Variants in DNAAF11 observed in about 807,000 individuals in gnomAD.
DNAAF11 encodes the protein leucine rich repeat containing 6.
In DNAAF11, 45 loss-of-function variants were observed where a neutral mutation model predicts 60.8. The observed-to-expected ratio is 0.74, with a 90% CI of 0.58 to 0.95. The LOEUF (loss-of-function observed/expected upper bound fraction) is 0.95. Ranked by LOEUF, DNAAF11 falls within the 40% of genes least tolerant of loss-of-function variation. DNAAF11 has a pLI of 0.00. For synonymous variants in DNAAF11, 191 were observed against 183.5 expected (o/e 1.04, Z -0.33); for missense variants, 546 against 546.2 (o/e 1.00, Z 0.00).
chr8:132,661,750 C>G, intron 1 of DNAAF11, 123 bp from the exon 2 acceptor site: 1 of 958,444 alleles, frequency 1.0e-6, no homozygotes, highest in Non-Finnish European at 1.6e-6. Context: ...TTTTCCAGGC[C>G]CAAGCGATTT....
upstream of DNAAF11, among the ~76,000 whole-genome samples, chr8:132,677,089 G>A (rs1465999108): frequency 1.3e-5 from 2 of 152,098 alleles, no homozygotes; most frequent in Non-Finnish European, 2.9e-5. Flanking sequence ...TGACAATATG[G>A]GTAAACATCT....
intron 10 of DNAAF11, among the ~76,000 whole-genome samples, chr8:132,588,081 C>T (rs1816088253): frequency 6.6e-6 from 1 of 152,186 alleles, no homozygotes; most frequent in East Asian, 1.9e-4. Context: ...AGCTACTTAG[C>T]TCTGAATCCT....
rs746914801 is a variant in DNAAF11, at chr8:132,611,317, C to T, written c.1021G>A (p.Val341Met). 2.2e-5 allele frequency: 35 copies of T among 1,612,170 alleles called. No homozygotes were observed. Among genetic ancestry groups the T allele is most frequent in the South Asian group, 7.7e-5 (7 of 90,982 alleles). ...ACCTTTCCTTTGATCATTACTCGCACGTAAGTTGGTTGCACATCAACATCG... is the reference window on the plus strand; with the variant it reads ...ACCTTTCCTTTGATCATTACTCGCATGTAAGTTGGTTGCACATCAACATCG... ...LIDVDVQPTY[V>M]RVMIKGKPFQ... The change falls in exon 9 of 12, where the codon GTG becomes ATG. Residue 341 changes from valine (V) to methionine (M), a missense_variant. Val to Met is a conservative substitution (Grantham distance 21). Transcript: ENST00000620350.
chr8:132,612,191 T>C (rs1818732076), intron 8 of DNAAF11, among the ~76,000 whole-genome samples: 4 of 152,224 alleles, frequency 2.6e-5, no homozygotes, highest in Admixed American at 2.0e-4. Flanking sequence ...TCCTCTTCTG[T>C]AAAATGGGGA....
At chr8:132,634,938 A>AATTGATTG (rs561354865) in intron 4 of DNAAF11, among the ~76,000 whole-genome samples, 1 of 151,920 alleles carries the variant, frequency 6.6e-6, no homozygotes, top group Middle Eastern at 3.2e-3. Context: ...GAAGTACATT[A>AATTGATTG]ATTGATTGAT....
rs531767614 is a variant in DNAAF11 at position 132,580,038 on chromosome 8, A to C, written c.1226+3656T>G. On this transcript the variant is annotated intron_variant, in intron 11 of 11. Coordinates refer to ENST00000620350, the MANE Select transcript of DNAAF11 (RefSeq NM_012472.6). ...GAACAAAAAAGACGACTACTCAAGG[A>C]AAAAAAAAAAAGCACGAGAACCAAT... Among the ~76,000 whole-genome samples, 5 of 144,844 alleles carry C rather than the reference A, an allele frequency of 3.5e-5. No individual in the cohort carries two copies. The East Asian group carries it at 7.9e-4, about 23-fold the overall frequency.
At chr8:132,573,797 T>A (rs2130938155) in intron 11 of DNAAF11, among the ~76,000 whole-genome samples, 1 of 152,230 alleles carries the variant, frequency 6.6e-6, no homozygotes, top group Admixed American at 6.5e-5. Flanking sequence ...TTGAAGTCAT[T>A]TTAGTTTTTG....
rs1814102663 is a variant in DNAAF11, at chr8:132,570,730, C to T, written c.*1576G>A. Among the ~76,000 whole-genome samples, 1 of 152,192 alleles carries T rather than the reference C, an allele frequency of 6.6e-6. No homozygotes were observed. The highest frequency in any genetic ancestry group is 2.4e-5 in the African/African-American group (1 of 41,442). On this transcript the variant is annotated 3_prime_UTR_variant, in exon 12 of 12. Transcript: ENST00000620350. The stretch of plus-strand genomic sequence containing the variant: ...GCCTGCTGCAGCTGATCCTTGATCT[C>T]CACCACTGTGTGTCCATCCCATCTT...
chr8:132,589,515 G>C (rs140094059), intron 10 of DNAAF11, among the ~76,000 whole-genome samples: 1 of 152,288 alleles, frequency 6.6e-6, no homozygotes, highest in African/African-American at 2.4e-5. Flanking sequence ...TGGAGTGATA[G>C]CTTTTGAAAA....
intron 1 of DNAAF11, among the ~76,000 whole-genome samples, chr8:132,666,449 A>T (rs938518969): frequency 1.3e-5 from 2 of 151,360 alleles, no homozygotes; most frequent in Non-Finnish European, 2.9e-5. Flanking sequence ...ATTAAAAAGT[A>T]AAAAAAAAGA....
chr8:132,679,295 G>A (rs538958372), upstream of DNAAF11, among the ~76,000 whole-genome samples: 25 of 152,262 alleles, frequency 1.6e-4, no homozygotes, highest in African/African-American at 5.5e-4. Context: ...CTTATTGGGT[G>A]CTCAGTAAAT....
Position 132,634,570 on chromosome 8 carries a change from T to C in DNAAF11, c.430-1607A>G, listed in dbSNP as rs141972459. On this transcript the variant is annotated intron_variant, in intron 4 of 11. Coordinates refer to ENST00000620350, the MANE Select transcript of DNAAF11 (RefSeq NM_012472.6). The stretch of plus-strand genomic sequence containing the variant: ...TAATTTGATCTAATTTAATACAGGA[T>C]TGGGATCAAATCAATTTGGAAATTT... 1.9e-4 allele frequency among the ~76,000 whole-genome samples: 29 copies of C among 152,048 alleles called. 2 individuals are homozygous for C. The East Asian group carries it at 5.2e-3, about 27-fold the overall frequency.
At chr8:132,675,545 C>CGCTTTTCACCCTTCACCCCT, upstream of DNAAF11, 1 of 1,543,846 alleles carries the variant, frequency 6.5e-7, no homozygotes, top group Non-Finnish European at 8.8e-7. Context: ...CCTCGAATGA[C>CGCTTTTCACCCTTCACCCCT]GCTTTTCACC....
chr8:132,666,357 G>A (rs1399538396), intron 1 of DNAAF11, among the ~76,000 whole-genome samples: 2 of 152,104 alleles, frequency 1.3e-5, no homozygotes, highest in Non-Finnish European at 2.9e-5. Context: ...ACCCTGATCT[G>A]ATTACTATAC....
intron 3 of DNAAF11, among the ~76,000 whole-genome samples, 175 bp from the exon 4 acceptor site, chr8:132,638,282 T>TA (rs1164564485): frequency 6.6e-6 from 1 of 152,200 alleles, no homozygotes; most frequent in Admixed American, 6.5e-5. Context: ...GGCTTCATCT[T>TA]AACTCATTTT....
Position 132,661,610 on chromosome 8 carries a change from T to G in DNAAF11, c.28A>C (p.Arg10=), listed in dbSNP as rs148650529. 1.2e-6 allele frequency: 2 copies of G among 1,613,920 alleles called. No individual in the cohort carries two copies. Among genetic ancestry groups the G allele is most frequent in the African/African-American group, 1.3e-5 (1 of 74,948 alleles). MGWITEDLI[R]RNAEHNDCVI... ...CAGTCGTTGTGTTCAGCATTCCGTC[T>G]AATAAGATCTTCTGTGACTGGAAGA... Residue 10 remains arginine, a synonymous_variant, in exon 2 of 12, where the codon AGA becomes CGA. Transcript: ENST00000620350.
Position 132,595,347 on chromosome 8 carries a change from G to GAAAAAAAAAAAAAAA in DNAAF11, c.1141-11569_1141-11568insTTTTTTTTTTTTTTT, listed in dbSNP as rs1563992420. Among the ~76,000 whole-genome samples the GAAAAAAAAAAAAAAA allele has an allele frequency of 3.2e-4, 13 of 40,674 alleles. 4 individuals are homozygous for GAAAAAAAAAAAAAAA. The highest frequency in any genetic ancestry group is 8.8e-4 in the Admixed American group (2 of 2,274). 26.7% of individuals were successfully genotyped at this position (40,674 alleles called of 152,430 possible). On this transcript the variant is annotated intron_variant, in intron 10 of 11. Coordinates refer to ENST00000620350, the MANE Select transcript of DNAAF11 (RefSeq NM_012472.6). Reference sequence around the variant, plus strand: ...TTCCCGAAAGAGAGAGAGACAGAGGGGAAAAAAAAAAAAAAAAAAAAAAAA... The same window carrying GAAAAAAAAAAAAAAA: ...TTCCCGAAAGAGAGAGAGACAGAGGGAAAAAAAAAAAAAAAGAAAAAAAAAAAAAAAAAAAAAAAA...
intron 10 of DNAAF11, among the ~76,000 whole-genome samples, chr8:132,603,634 G>A (rs2129788558): frequency 6.6e-6 from 1 of 152,148 alleles, no homozygotes; most frequent in East Asian, 1.9e-4. Flanking sequence ...CCTAATTGGA[G>A]TTGATTTGAG....
chr8:132,572,700 A>C (rs1261481305), intron 11 of DNAAF11, among the ~76,000 whole-genome samples: 1 of 151,988 alleles, frequency 6.6e-6, no homozygotes, highest in Non-Finnish European at 1.5e-5. Context: ...AAAAAAAAAA[A>C]AGTCACTGGG....
Sources: allele counts gnomAD v4.1 joint callset (sites outside exome capture counted in the v4.1 genomes callset), GRCh38; gene constraint gnomAD v4.1.1; transcripts MANE v1.5; gene names NCBI Gene and HGNC (gene_info 2026-07-23, HGNC 2026-07-21).